Variants in POSTN observed in about 807,000 individuals in gnomAD.
The protein encoded by POSTN is periostin.
In POSTN, 71 loss-of-function variants were observed where a neutral mutation model predicts 104.5. That is an observed-to-expected ratio of 0.68 (90% CI 0.56 to 0.83). The LOEUF is 0.83. POSTN is among the 40% of genes least tolerant of loss of function. The pLI is 0.00. For synonymous variants in POSTN, 355 were observed against 340.7 expected (o/e 1.04, Z -0.46); for missense variants, 949 against 1,006.8 (o/e 0.94, Z 0.78).
intron 6 of POSTN, among the ~76,000 whole-genome samples, chr13:37,586,542 G>A (rs1016894317): frequency 6.6e-6 from 1 of 152,076 alleles, no homozygotes; most frequent in African/African-American, 2.4e-5. Flanking sequence ...AGATGAACAC[G>A]TTCTAAATGA....
chr13:37,580,732 T>C (rs747805260), intron 10 of POSTN, 35 bp from the exon 11 acceptor site: 53 of 1,612,762 alleles, frequency 3.3e-5, no homozygotes, highest in Non-Finnish European at 4.4e-5. Flanking sequence ...GGTGTCATTT[T>C]CCTTGCTTGA....
intron 5 of POSTN, 78 bp downstream of exon 5, chr13:37,587,743 TG>T: frequency 4.4e-6 from 5 of 1,128,834 alleles, no homozygotes; most frequent in Non-Finnish European, 5.0e-6. Context: ...TTATTATTTT[TG>T]TGAGCATTAT....
At chr13:37,578,400 A>G (rs1277476745) in intron 15 of POSTN, among the ~76,000 whole-genome samples, 2 of 152,216 alleles carry the variant, frequency 1.3e-5, no homozygotes, top group Non-Finnish European at 2.9e-5. Flanking sequence ...TACATAAACA[A>G]CAAAGAGTAA....
chr13:37,567,544 A>T (rs182381613), intron 21 of POSTN, among the ~76,000 whole-genome samples: 1 of 152,316 alleles, frequency 6.6e-6, no homozygotes, highest in African/African-American at 2.4e-5. Flanking sequence ...ATTCTACCGC[A>T]TATAGTGTTT....
At chr13:37,594,956 T>C (rs1228887786) in intron 2 of POSTN, among the ~76,000 whole-genome samples, 1 of 151,646 alleles carries the variant, frequency 6.6e-6, no homozygotes, top group Non-Finnish European at 1.5e-5. Context: ...AAAATGAATC[T>C]ACTTTAGAAA....
intron 2 of POSTN, among the ~76,000 whole-genome samples, chr13:37,595,548 G>C (rs1951060050): frequency 6.6e-6 from 1 of 152,138 alleles, no homozygotes; most frequent in Admixed American, 6.5e-5. Flanking sequence ...TAAATGCCTT[G>C]TATACATGGT....
intron 2 of POSTN, among the ~76,000 whole-genome samples, chr13:37,592,983 G>T (rs962210926): frequency 1.3e-5 from 2 of 150,860 alleles, no homozygotes; most frequent in South Asian, 2.1e-4. Context: ...GGTTTGAATT[G>T]TTGGTAGGAT....
intron 21 of POSTN, among the ~76,000 whole-genome samples, chr13:37,567,585 G>T (rs1043139381): frequency 3.9e-5 from 6 of 152,070 alleles, no homozygotes; most frequent in African/African-American, 7.2e-5. Context: ...TTGGAGAAAT[G>T]ATTTGATAAA....
chr13:37,563,695 G>C (rs1949995554), intron 22 of POSTN, among the ~76,000 whole-genome samples: 1 of 151,950 alleles, frequency 6.6e-6, no homozygotes, highest in South Asian at 2.1e-4. Context: ...CTGTATATTG[G>C]ATTGGTTTAA....
chr13:37,584,152 C>T, intron 8 of POSTN, 49 bp from the exon 9 acceptor site: 1 of 1,602,794 alleles, frequency 6.2e-7, no homozygotes, highest in Non-Finnish European at 8.5e-7. Context: ...TTGCTATTAT[C>T]TCCATCATGA....
chr13:37,564,201 T>C (rs1398577430), intron 22 of POSTN, among the ~76,000 whole-genome samples: 3,184 of 62,936 alleles, frequency 0.051, 274 homozygotes, highest in African/African-American at 0.18. Context: ...TATATATATA[T>C]ATATATATAT....
At position 37,579,372 on chromosome 13, in the gene POSTN, A is replaced by G. The variant is rs1248784354; in HGVS notation, c.1661-13T>C. 1.9e-6 allele frequency: 3 copies of G among 1,540,818 alleles called. No homozygotes were observed. Among genetic ancestry groups the G allele is most frequent in the Admixed American group, 1.7e-5 (1 of 57,564 alleles). On this transcript the variant is annotated splice_polypyrimidine_tract_variant and intron_variant, in intron 12 of 22. Coordinates refer to ENST00000379747, the MANE Select transcript of POSTN (RefSeq NM_006475.3). Reference sequence around the variant, plus strand: ...GCATTTTTGTCCCCTAGGGGAAAATATATGTTTATTTTTATTGAATAATAT... The same window carrying G: ...GCATTTTTGTCCCCTAGGGGAAAATGTATGTTTATTTTTATTGAATAATAT...
intron 9 of POSTN, 104 bp from the exon 10 acceptor site, chr13:37,582,618 G>C: frequency 9.1e-7 from 1 of 1,093,768 alleles, no homozygotes. Context: ...TGACATTATT[G>C]ATATCATGGA....
chr13:37,569,900 T>G, intron 19 of POSTN, 79 bp from the exon 20 acceptor site: 1 of 950,672 alleles, frequency 1.1e-6, no homozygotes, highest in Non-Finnish European at 1.7e-6. Context: ...GTAAGTATTT[T>G]ACACTTGTGG....
chr13:37,580,734 C>T (rs761464257), intron 10 of POSTN, 37 bp from the exon 11 acceptor site: 1 of 1,612,496 alleles, frequency 6.2e-7, no homozygotes, highest in Non-Finnish European at 8.5e-7. Context: ...TGTCATTTTC[C>T]TTGCTTGAAA....
In POSTN at chr13:37,587,886, T is replaced by C. The variant is rs778561875; in HGVS notation, c.542A>G (p.Asn181Ser). 1 of 1,604,058 alleles carries C rather than the reference T, an allele frequency of 6.2e-7. No individual in the cohort carries two copies. The highest frequency in any genetic ancestry group is 8.5e-7 in the Non-Finnish European group (1 of 1,171,580). ...NKRMLTKDLKNGMIIPSMYNN... is the reference protein window; with the variant it reads ...NKRMLTKDLKSGMIIPSMYNN... ...ATACATTGAAGGAATAATCATGCCA[T>C]TTTTTAAGTCCTTGGTCAACATTCT... The change falls in exon 5 of 23, where the codon AAT becomes AGT. Residue 181 changes from asparagine (N) to serine (S), a missense_variant. By Grantham distance (46) the Asn-to-Ser change is conservative (BLOSUM62 1). Transcript: ENST00000379747.
At chr13:37,595,050 T>TC (rs2138403327) in intron 2 of POSTN, among the ~76,000 whole-genome samples, 1 of 151,432 alleles carries the variant, frequency 6.6e-6, no homozygotes, top group African/African-American at 2.4e-5. Flanking sequence ...AGTAGTGATT[T>TC]TTTTTTTTTT....
At chr13:37,577,635 C>T in intron 16 of POSTN, 118 bp downstream of exon 16, 1 of 1,403,624 alleles carries the variant, frequency 7.1e-7, no homozygotes, top group East Asian at 2.6e-5. Context: ...ATGAGATTGG[C>T]CATAGTTTGG....
At chr13:37,591,543 G>A (rs1188002186) in intron 3 of POSTN, among the ~76,000 whole-genome samples, 1 of 152,126 alleles carries the variant, frequency 6.6e-6, no homozygotes. Flanking sequence ...TTCAAAGTCT[G>A]TGTCATATTA....
Sources: allele counts gnomAD v4.1 joint callset (sites outside exome capture counted in the v4.1 genomes callset), GRCh38; gene constraint gnomAD v4.1.1; transcripts MANE v1.5; gene names NCBI Gene and HGNC (gene_info 2026-07-23, HGNC 2026-07-21).